NXPE2: variants seen among roughly 807,000 people sequenced by gnomAD.
The protein encoded by NXPE2 is neurexophilin and PC-esterase domain family member 2, also known as NXPE family member 2.
In NXPE2, 34 loss-of-function variants were observed where a neutral mutation model predicts 34.4. The ratio of observed to expected loss-of-function variants is 0.99; its 90% CI spans 0.75 to 1.31. The LOEUF is 1.31. Ranked by LOEUF, NXPE2 falls within the 40% of genes most tolerant of loss-of-function variation. The pLI, the probability that NXPE2 is intolerant of heterozygous loss-of-function variation, is 0.00. For missense variants in NXPE2, 649 were observed against 672.5 expected (o/e 0.97, Z 0.39); for synonymous variants, 235 against 231.3 (o/e 1.02, Z -0.15).
the NXPE2 span, among the ~76,000 whole-genome samples, chr11:114,628,298 A>C: frequency 1.3e-5 from 2 of 151,664 alleles, no homozygotes; most frequent in Non-Finnish European, 2.9e-5. Context: ...AATGTAAAAG[A>C]ACAGAAATTA....
At chr11:114,633,579 C>A in the NXPE2 span, among the ~76,000 whole-genome samples, 2 of 151,378 alleles carry the variant, frequency 1.3e-5, no homozygotes, top group African/African-American at 4.9e-5. Context: ...CGTCATTTAG[C>A]ATTAGGTATA....
chr11:114,568,114 TATC>T, the NXPE2 span, among the ~76,000 whole-genome samples: 205 of 152,304 alleles, frequency 1.3e-3, no homozygotes, highest in African/African-American at 4.7e-3. Context: ...TTCTGAGAAT[TATC>T]ATTCTGAATG....
chr11:114,644,853 G>A, the NXPE2 span, among the ~76,000 whole-genome samples: 1 of 151,986 alleles, frequency 6.6e-6, no homozygotes, highest in African/African-American at 2.4e-5. Context: ...TTAAGACAGT[G>A]TAGCATTTGC....
the NXPE2 span, among the ~76,000 whole-genome samples, chr11:114,718,059 A>AT: frequency 1.2e-4 from 18 of 152,178 alleles, no homozygotes; most frequent in Non-Finnish European, 1.5e-5. Context: ...TGTGTAGTCT[A>AT]TAGAGCAACT....
the NXPE2 span, among the ~76,000 whole-genome samples, chr11:114,747,488 G>T: frequency 3.3e-5 from 5 of 151,852 alleles, no homozygotes; most frequent in Non-Finnish European, 5.9e-5. Context: ...TGATCTGAGG[G>T]TATGTAATTT....
the NXPE2 span, among the ~76,000 whole-genome samples, chr11:114,635,798 C>T: frequency 1.3e-5 from 2 of 152,092 alleles, no homozygotes; most frequent in African/African-American, 2.4e-5. Context: ...ACCAGGCTTG[C>T]ATCCCAGGGA....
downstream of NXPE2, among the ~76,000 whole-genome samples, chr11:114,710,197 A>C: frequency 6.6e-6 from 1 of 152,186 alleles, no homozygotes. Flanking sequence ...GAACTAGAAA[A>C]AGAAGAACAA....
At chr11:114,799,133 G>A in the NXPE2 span, among the ~76,000 whole-genome samples, 3 of 152,074 alleles carry the variant, frequency 2.0e-5, no homozygotes, top group African/African-American at 4.8e-5. Context: ...GATTTCCTTA[G>A]TAACAGGAGG....
the NXPE2 span, chr11:114,582,991 G>A: frequency 6.2e-7 from 1 of 1,613,472 alleles, no homozygotes; most frequent in East Asian, 2.2e-5. Flanking sequence ...CAGTAATGGA[G>A]GGAGATGGAT....
the NXPE2 span, among the ~76,000 whole-genome samples, chr11:114,614,562 T>G: frequency 5.3e-5 from 8 of 151,172 alleles, 1 homozygote; most frequent in South Asian, 6.3e-4. Flanking sequence ...AATGTTACCT[T>G]GTGGGTAACT....
chr11:114,533,428 G>A, the NXPE2 span, among the ~76,000 whole-genome samples: 1 of 152,164 alleles, frequency 6.6e-6, no homozygotes, highest in East Asian at 1.9e-4. Flanking sequence ...GGGAGTGCCG[G>A]ACAGTGGGTG....
At chr11:114,566,786 AT>A in the NXPE2 span, among the ~76,000 whole-genome samples, 1 of 152,138 alleles carries the variant, frequency 6.6e-6, no homozygotes, top group Admixed American at 6.5e-5. Context: ...ACATATATGT[AT>A]TTAAATTTAT....
At chr11:114,584,995 A>G in the NXPE2 span, among the ~76,000 whole-genome samples, 1 of 152,224 alleles carries the variant, frequency 6.6e-6, no homozygotes, top group African/African-American at 2.4e-5. Flanking sequence ...TGAAATGCCA[A>G]GTGCCTGCTT....
downstream of NXPE2, among the ~76,000 whole-genome samples, chr11:114,711,627 A>T (rs1055929920): frequency 6.6e-6 from 1 of 152,184 alleles, no homozygotes; most frequent in Admixed American, 6.5e-5. Context: ...AAATGGAAAG[A>T]TATCCCATGC....
chr11:114,469,520 C>G, the NXPE2 span, among the ~76,000 whole-genome samples: 1 of 151,434 alleles, frequency 6.6e-6, no homozygotes, highest in African/African-American at 2.4e-5. Flanking sequence ...GACGGAGTCT[C>G]GCACTCTCGC....
At chr11:114,639,810 T>TAATATAAAATGTAATATATATTATGTTA in the NXPE2 span, among the ~76,000 whole-genome samples, 9 of 77,950 alleles carry the variant, frequency 1.2e-4, no homozygotes, top group African/African-American at 4.2e-4. Flanking sequence ...AAATATAAAA[T>TAATATAAAATGTAATATATATTATGTTA]AATATAAAAT....
the NXPE2 span, among the ~76,000 whole-genome samples, chr11:114,501,667 G>A: frequency 1.3e-5 from 2 of 152,124 alleles, no homozygotes; most frequent in African/African-American, 4.8e-5. Flanking sequence ...CAGGGCTAAT[G>A]GATCAGAAAA....
chr11:114,724,006 T>C, the NXPE2 span, among the ~76,000 whole-genome samples: 1 of 152,182 alleles, frequency 6.6e-6, no homozygotes, highest in Non-Finnish European at 1.5e-5. Flanking sequence ...ATCCTCTTCT[T>C]TTCTAGAGAA....
At chr11:114,788,966 G>C in the NXPE2 span, among the ~76,000 whole-genome samples, 1 of 152,180 alleles carries the variant, frequency 6.6e-6, no homozygotes, top group African/African-American at 2.4e-5. Flanking sequence ...AATAGACAGA[G>C]CAAGGCCTCT....
Sources: gnomAD v4.1 joint callset for allele counts (sites outside exome capture counted in the v4.1 genomes callset) on GRCh38, gnomAD v4.1.1 for gene constraint, MANE v1.5 for transcripts, NCBI Gene and HGNC (gene_info 2026-07-23, HGNC 2026-07-21) for gene names.